CCDC171: variants seen among roughly 807,000 people sequenced by gnomAD.
CCDC171 encodes the protein coiled-coil domain-containing protein 171.
A neutral mutation model predicts 168.2 loss-of-function variants in CCDC171; 177 were observed. The ratio of observed to expected loss-of-function variants is 1.05; its 90% CI spans 0.93 to 1.19. The LOEUF is 1.19. Ranked by LOEUF, CCDC171 falls within the 50% of genes most tolerant of loss-of-function variation. The pLI, the probability that CCDC171 is intolerant of heterozygous loss-of-function variation, is 0.00. For missense variants in CCDC171, 1,991 were observed against 1,539.0 expected (o/e 1.29, Z -4.91); for synonymous variants, 687 against 540.8 (o/e 1.27, Z -3.75).
At chr9:15,845,551 T>G (rs796116117) in intron 21 of CCDC171, 1 of 152,032 alleles carries the variant, frequency 6.6e-6, no homozygotes, top group African/African-American at 2.4e-5. Flanking sequence ...TTCTTTTTTT[T>G]ATACTACCCA....
chr9:15,662,845 G>T (rs1045769052), intron 8 of CCDC171, among the ~76,000 whole-genome samples: 2 of 151,752 alleles, frequency 1.3e-5, no homozygotes, highest in Admixed American at 1.3e-4. Flanking sequence ...GCTGGGTGTG[G>T]TGGCAGGCAC....
intron 11 of CCDC171, among the ~76,000 whole-genome samples, chr9:15,705,265 G>A (rs940245341): frequency 6.6e-6 from 1 of 152,162 alleles, no homozygotes; most frequent in African/African-American, 2.4e-5. Flanking sequence ...TTATACTTCT[G>A]TAAAGCTGGA....
chr9:15,745,183 G>T (rs1193237152), intron 17 of CCDC171, among the ~76,000 whole-genome samples: 1 of 152,124 alleles, frequency 6.6e-6, no homozygotes, highest in African/African-American at 2.4e-5. Context: ...GAAGAATTGT[G>T]TGAAAATGAG....
chr9:15,661,279 C>CAA (rs750397432), intron 8 of CCDC171, among the ~76,000 whole-genome samples: 13 of 23,020 alleles, frequency 5.6e-4, no homozygotes, highest in African/African-American at 8.0e-4. Context: ...GACTCCGTCT[C>CAA]AAAAAAAAAA....
At position 15,847,541 on chromosome 9, in the gene CCDC171, G is replaced by A. The variant is rs1404745108; in HGVS notation, c.3413+694G>A. 2.6e-5 allele frequency among the ~76,000 whole-genome samples: 4 copies of A among 151,938 alleles called. No homozygotes were observed. The East Asian group carries it at 7.7e-4, about 29-fold the overall frequency. ...ATTTGTTCCTCATATCAAATTTCAT[G>A]GAATACTTTAAAGACAGTTCTTTGT... On this transcript the variant is annotated intron_variant, in intron 22 of 25. Coordinates refer to ENST00000380701, the MANE Select transcript of CCDC171 (RefSeq NM_173550.4).
intron 21 of CCDC171, among the ~76,000 whole-genome samples, chr9:15,790,193 T>C (rs534267585): frequency 6.6e-6 from 1 of 152,366 alleles, no homozygotes; most frequent in South Asian, 2.1e-4. Flanking sequence ...CCACAATGGT[T>C]GAACTAGTTT....
intron 4 of CCDC171, among the ~76,000 whole-genome samples, chr9:16,021,871 C>T (rs1401084424): frequency 6.6e-6 from 1 of 152,214 alleles, no homozygotes; most frequent in Non-Finnish European, 1.5e-5. Context: ...GAGGCCCATG[C>T]AGAATCCCCT....
chr9:16,077,388 C>T, the CCDC171 span, among the ~76,000 whole-genome samples: 3 of 152,104 alleles, frequency 2.0e-5, no homozygotes, highest in African/African-American at 7.2e-5. Context: ...ACCTGCACAC[C>T]CTTGCCATGA....
At chr9:15,660,189 C>G (rs1032893450) in intron 8 of CCDC171, among the ~76,000 whole-genome samples, 2 of 152,084 alleles carry the variant, frequency 1.3e-5, no homozygotes, top group African/African-American at 4.8e-5. Flanking sequence ...TCTCAGATCC[C>G]TATATTTGAG....
chr9:15,865,270 C>T (rs1588911821), intron 23 of CCDC171, among the ~76,000 whole-genome samples: 1 of 151,970 alleles, frequency 6.6e-6, no homozygotes, highest in Admixed American at 6.6e-5. Flanking sequence ...TCTACATATA[C>T]ATTTTTAGTA....
At chr9:15,610,104 T>C (rs139339954) in intron 6 of CCDC171, among the ~76,000 whole-genome samples, 1 of 152,270 alleles carries the variant, frequency 6.6e-6, no homozygotes, top group East Asian at 1.9e-4. Flanking sequence ...CCTTTCTTAG[T>C]ATATTCTCCT....
At chr9:15,711,343 A>T (rs1034828615) in intron 11 of CCDC171, among the ~76,000 whole-genome samples, 4 of 152,050 alleles carry the variant, frequency 2.6e-5, no homozygotes, top group African/African-American at 9.7e-5. Context: ...TTCTTTTTTG[A>T]GTTCTATAAG....
chr9:15,758,752 C>G (rs2056279430), intron 18 of CCDC171, among the ~76,000 whole-genome samples: 1 of 152,042 alleles, frequency 6.6e-6, no homozygotes, highest in African/African-American at 2.4e-5. Context: ...TCTTACTGTT[C>G]TCGTGGTAGT....
chr9:16,022,590 G>A (rs1270399098), intron 5 of CCDC171: 1 of 152,302 alleles, frequency 6.6e-6, no homozygotes, highest in African/African-American at 2.4e-5. Context: ...CTACCAGTAA[G>A]TGCTTTTAAA....
intron 3 of CCDC171, among the ~76,000 whole-genome samples, chr9:16,002,135 A>ATTTTTTTTTTT (rs76881347): frequency 9.8e-6 from 1 of 102,468 alleles, no homozygotes. Context: ...GCCTACTATC[A>ATTTTTTTTTTT]TTTTTTTTTT....
chr9:15,572,690 T>G (rs2040328591), intron 3 of CCDC171, among the ~76,000 whole-genome samples: 1 of 152,234 alleles, frequency 6.6e-6, no homozygotes, highest in African/African-American at 2.4e-5. Context: ...ACTTTGTTCT[T>G]CCACAACATG....
intron 7 of CCDC171, 32 bp downstream of exon 7, chr9:15,623,445 G>A (rs1162593235): frequency 5.0e-6 from 7 of 1,406,372 alleles, no homozygotes; most frequent in Admixed American, 2.0e-5. Flanking sequence ...TAATATATAT[G>A]CGTACAAACT....
chr9:15,834,053 CTTG>C (rs529896818), intron 21 of CCDC171, among the ~76,000 whole-genome samples: 3 of 152,068 alleles, frequency 2.0e-5, no homozygotes, highest in Non-Finnish European at 2.9e-5. Context: ...TATGAAAATA[CTTG>C]TTGTTTCAGT....
chr9:15,774,106 T>C (rs2057164864), intron 18 of CCDC171, among the ~76,000 whole-genome samples: 1 of 150,168 alleles, frequency 6.7e-6, no homozygotes. Flanking sequence ...ATTAGCTGGG[T>C]GTGGTGGTGG....
Sources: gnomAD v4.1 joint callset for allele counts (sites outside exome capture counted in the v4.1 genomes callset) on GRCh38, gnomAD v4.1.1 for gene constraint, MANE v1.5 for transcripts, NCBI Gene and HGNC (gene_info 2026-07-23, HGNC 2026-07-21) for gene names.